EIF2AK4: variants seen among roughly 807,000 people sequenced by gnomAD.
The protein encoded by EIF2AK4 is eIF-2-alpha kinase GCN2.
A neutral mutation model predicts 211.1 loss-of-function variants in EIF2AK4; 139 were observed. The ratio of observed to expected loss-of-function variants is 0.66; its 90% CI spans 0.57 to 0.76. The LOEUF (loss-of-function observed/expected upper bound fraction) is 0.76, where lower values mean the gene tolerates loss of function less well. Among genes scored for constraint, EIF2AK4 ranks in the 30% least tolerant of loss-of-function variants. The pLI, the probability that EIF2AK4 is intolerant of heterozygous loss-of-function variation, is 0.00. For missense variants in EIF2AK4, 1,664 were observed against 2,043.8 expected (o/e 0.81, Z 3.58); for synonymous variants, 710 against 751.3 (o/e 0.94, Z 0.90).
In EIF2AK4 at chr15:40,019,213, T is replaced by C; in HGVS notation, c.4173+13T>C. 6.4e-7 allele frequency: 1 copy of C among 1,554,102 alleles called. No individual in the cohort carries two copies. ...CATGGAGGAATCTGTAAGTTCTGGC[T>C]TGGCTTCCCAGCATACTTCGAGGTG... On this transcript the variant is annotated intron_variant, in intron 30 of 38. Transcript: ENST00000263791.
intron 9 of EIF2AK4, among the ~76,000 whole-genome samples, chr15:39,972,659 G>A (rs972756239): frequency 1.3e-5 from 2 of 152,038 alleles, no homozygotes; most frequent in African/African-American, 4.8e-5. Context: ...GTTCCATGAG[G>A]GTAAGTCTTC....
Position 39,955,775 on chromosome 15 carries a change from C to G in EIF2AK4, c.743+7C>G. 6.3e-7 allele frequency: 1 copy of G among 1,578,454 alleles called. No individual in the cohort carries two copies. The highest frequency in any genetic ancestry group is 1.2e-5 in the South Asian group (1 of 84,234). On this transcript the variant is annotated splice_region_variant and intron_variant, in intron 6 of 38. Transcript: ENST00000263791. The stretch of plus-strand genomic sequence containing the variant: ...ACTCCTCAGGAAGGTCTAGGTAAGT[C>G]CCTGGGATTTCTGATCTGGGAGAAT...
At chr15:39,991,334 C>G (rs2140928038) in intron 16 of EIF2AK4, 1 of 152,224 alleles carries the variant, frequency 6.6e-6, no homozygotes, top group South Asian at 2.1e-4. Flanking sequence ...ATCTTGATCC[C>G]CAAACTAAAG....
intron 3 of EIF2AK4, among the ~76,000 whole-genome samples, chr15:39,944,449 T>TTTTTTTTTGG (rs1595541563): frequency 6.6e-6 from 1 of 150,398 alleles, no homozygotes; most frequent in African/African-American, 2.5e-5. Flanking sequence ...TTTTTTTTTT[T>TTTTTTTTTGG]GAGGCGGAGT....
intron 1 of EIF2AK4, among the ~76,000 whole-genome samples, chr15:39,939,225 A>C (rs2034110131): frequency 6.6e-6 from 1 of 152,148 alleles, no homozygotes. Context: ...CTTCCAGGAG[A>C]GCACCCAGGC....
chr15:39,944,066 G>C (rs1308441082), intron 3 of EIF2AK4, among the ~76,000 whole-genome samples: 1 of 152,138 alleles, frequency 6.6e-6, no homozygotes, highest in Non-Finnish European at 1.5e-5. Flanking sequence ...CTTTTTGTTG[G>C]AAAATGTGGG....
rs372761392 is a variant in EIF2AK4, at chr15:39,934,255, G to T, written c.60G>T (p.Pro20=). The T allele has an allele frequency of 3.1e-6, 5 of 1,610,308 alleles. No homozygotes were observed. Among genetic ancestry groups the T allele is most frequent in the Non-Finnish European group, 4.2e-6 (5 of 1,178,614 alleles). ...GGGACGAGCCTCCGGAGAGCTACCC[G>T]CAACGACAGGACCACGAGCTACAGG... ...RGRDEPPESY[P]QRQDHELQAL... is the part of the protein sequence containing the mutation. Residue 20 remains proline, a synonymous_variant, in exon 1 of 39, where the codon CCG becomes CCT. Transcript: ENST00000263791.
chr15:40,030,121 C>T (rs1354597524), intron 34 of EIF2AK4, among the ~76,000 whole-genome samples: 1 of 152,132 alleles, frequency 6.6e-6, no homozygotes, highest in Non-Finnish European at 1.5e-5. Context: ...CTGCCCCTTC[C>T]ACCACCCCCC....
intron 27 of EIF2AK4, 135 bp downstream of exon 27, chr15:40,011,481 G>A (rs2035234901): frequency 7.4e-6 from 5 of 672,088 alleles, no homozygotes; most frequent in East Asian, 2.8e-5. Flanking sequence ...TTTCCCTTGA[G>A]TGTTAGGTAC....
chr15:39,952,546 G>T (rs1252030337), intron 4 of EIF2AK4, among the ~76,000 whole-genome samples: 2 of 152,002 alleles, frequency 1.3e-5, no homozygotes, highest in African/African-American at 4.8e-5. Flanking sequence ...AAAGTGTTAG[G>T]ATTACAGGCA....
At position 40,014,622 on chromosome 15, in the gene EIF2AK4, T is replaced by C. The variant is rs1376852184; in HGVS notation, c.3760-1880T>C. On this transcript the variant is annotated intron_variant, in intron 27 of 38. Transcript: ENST00000263791. ...CGAAACCATTTTTTCCTCCTAGGCC[T>C]CCAGGCCTGTGATGGGAGGGCCTGC... 5.3e-5 allele frequency among the ~76,000 whole-genome samples: 8 copies of C among 152,230 alleles called. No individual in the cohort carries two copies. In the South Asian group the frequency reaches 1.7e-3, roughly 31 times the overall value.
chr15:40,017,112 T>C lies in EIF2AK4; in HGVS notation c.3935T>C (p.Leu1312Ser). ...GTGTGGCATCTCTCTTTATAGGTCT[T>C]GATCAATTTGGGCTTGGTTTACAAG... ...LKKLGIKLQV[L>S]INLGLVYKVQ... is the part of the protein sequence containing the mutation. The change falls in exon 29 of 39, where the codon TTG becomes TCG. Residue 1312 changes from leucine (L) to serine (S), a missense_variant. Physicochemically the swap from Leu to Ser is moderately radical, Grantham distance 145. Transcript: ENST00000263791. 1 of 1,612,928 alleles carries C rather than the reference T, an allele frequency of 6.2e-7. No individual in the cohort carries two copies. Among genetic ancestry groups the C allele is most frequent in the Non-Finnish European group, 8.5e-7 (1 of 1,178,974 alleles).
chr15:39,939,648 G>A (rs747586725), intron 2 of EIF2AK4, 31 bp downstream of exon 2: 1 of 1,544,520 alleles, frequency 6.5e-7, no homozygotes, highest in South Asian at 1.2e-5. Context: ...CTTTGACGTG[G>A]TTTCAGTTTT....
chr15:39,965,553 TA>T, intron 7 of EIF2AK4, 132 bp from the exon 8 acceptor site: 1 of 1,008,816 alleles, frequency 9.9e-7, no homozygotes, highest in Non-Finnish European at 1.5e-6. Context: ...CATTATTACA[TA>T]AAGTCCTATT....
intron 23 of EIF2AK4, among the ~76,000 whole-genome samples, chr15:40,006,661 CA>C: frequency 6.6e-6 from 1 of 152,242 alleles, no homozygotes; most frequent in Admixed American, 6.5e-5. Context: ...ATAAAAGTGA[CA>C]TTTTTTTTAA....
rs568563010 is a variant in EIF2AK4, at chr15:39,984,544, G to A, written c.2320-1261G>A. The stretch of plus-strand genomic sequence containing the variant: ...TTATTTCATTGAGCAGTGGTTTGTA[G>A]TTCTCCTTGAAGAGGTCCTTCACAT... On this transcript the variant is annotated intron_variant, in intron 13 of 38. Transcript: ENST00000263791. 2.6e-5 allele frequency among the ~76,000 whole-genome samples: 4 copies of A among 152,234 alleles called. No homozygotes were observed. In the East Asian group the frequency reaches 7.7e-4, roughly 29 times the overall value.
At chr15:39,947,003 C>T (rs568257444) in intron 3 of EIF2AK4, 15 of 196,302 alleles carry the variant, frequency 7.6e-5, no homozygotes, top group African/African-American at 2.8e-4. Flanking sequence ...TTGTGTGACT[C>T]GCTTTATTGT....
intron 9 of EIF2AK4, among the ~76,000 whole-genome samples, chr15:39,970,682 A>G (rs558978895): frequency 5.3e-5 from 8 of 152,338 alleles, no homozygotes; most frequent in African/African-American, 1.9e-4. Context: ...GTTTATGTGT[A>G]TAAATGCATA....
chr15:39,952,807 T>C (rs1375151098), intron 4 of EIF2AK4, among the ~76,000 whole-genome samples: 1 of 152,150 alleles, frequency 6.6e-6, no homozygotes, highest in Non-Finnish European at 1.5e-5. Context: ...GTGTGTAGCC[T>C]AGTTATTGTT....
Sources: allele counts gnomAD v4.1 joint callset (sites outside exome capture counted in the v4.1 genomes callset), GRCh38; gene constraint gnomAD v4.1.1; transcripts MANE v1.5; gene names NCBI Gene and HGNC (gene_info 2026-07-23, HGNC 2026-07-21).